The following PDZRN3 variants were observed in gnomAD, a reference collection of about 807,000 sequenced individuals.
PDZRN3 encodes the protein E3 ubiquitin-protein ligase PDZRN3.
PDZRN3 carries 38 observed loss-of-function variants against 85.7 expected under a neutral mutation model. The observed-to-expected ratio is 0.44, with a 90% CI of 0.34 to 0.58. The LOEUF (loss-of-function observed/expected upper bound fraction) is 0.58. Ranked by LOEUF, PDZRN3 falls within the 20% of genes least tolerant of loss-of-function variation. The pLI is 0.01. For missense variants in PDZRN3, 1,629 were observed against 1,506.4 expected, an observed-to-expected ratio of 1.08 and a Z score of -1.35; for synonymous variants, 759 against 638.0, an observed-to-expected ratio of 1.19 and a Z score of -2.86.
intron 3 of PDZRN3, among the ~76,000 whole-genome samples, chr3:73,415,026 T>C (rs940622671): frequency 3.3e-5 from 5 of 152,206 alleles, no homozygotes; most frequent in African/African-American, 1.2e-4. Context: ...ATTTGTTTAT[T>C]GGTCAAATAA....
chr3:73,575,027 TA>T (rs1181028637), intron 3 of PDZRN3, among the ~76,000 whole-genome samples: 1 of 152,134 alleles, frequency 6.6e-6, no homozygotes, highest in African/African-American at 2.4e-5. Context: ...TTTTTAAAAA[TA>T]AAAAAGTTAG....
At chr3:73,437,797 T>G (rs988128812) in intron 3 of PDZRN3, among the ~76,000 whole-genome samples, 8 of 152,198 alleles carry the variant, frequency 5.3e-5, no homozygotes, top group African/African-American at 1.9e-4. Context: ...TTCAAAATGT[T>G]GCTTTCCTAT....
intron 3 of PDZRN3, among the ~76,000 whole-genome samples, chr3:73,491,028 C>T (rs1039894548): frequency 6.6e-6 from 1 of 152,220 alleles, no homozygotes; most frequent in African/African-American, 2.4e-5. Flanking sequence ...GTCAGTTCAG[C>T]TCGCTCCAGG....
At chr3:73,562,996 TATATATATATATATA>T (rs1435616810) in intron 3 of PDZRN3, among the ~76,000 whole-genome samples, 2 of 30,424 alleles carry the variant, frequency 6.6e-5, no homozygotes, top group African/African-American at 2.8e-4. Flanking sequence ...TATATATATA[TATATATATATATATA>T]TATTTTTTTT....
At chr3:73,400,396 C>G (rs1251647910) in intron 5 of PDZRN3, among the ~76,000 whole-genome samples, 1 of 152,172 alleles carries the variant, frequency 6.6e-6, no homozygotes, top group Non-Finnish European at 1.5e-5. Context: ...AATCTTTATT[C>G]CTGTGTGGCC....
intron 3 of PDZRN3, among the ~76,000 whole-genome samples, chr3:73,440,090 G>A (rs1054771728): frequency 6.6e-6 from 1 of 152,040 alleles, no homozygotes; most frequent in African/African-American, 2.4e-5. Context: ...AATTGATTGA[G>A]GTGCCGCTGT....
chr3:73,421,324 G>A (rs1446406690), intron 3 of PDZRN3, among the ~76,000 whole-genome samples: 1 of 152,124 alleles, frequency 6.6e-6, no homozygotes, highest in Non-Finnish European at 1.5e-5. Flanking sequence ...GACTCTTCCG[G>A]GGTCACTCAA....
At chr3:73,621,058 T>C (rs1322676688) in intron 1 of PDZRN3, among the ~76,000 whole-genome samples, 2 of 152,198 alleles carry the variant, frequency 1.3e-5, no homozygotes, top group Admixed American at 6.5e-5. Flanking sequence ...TGGGAGCTCA[T>C]TGGAAATGCA....
rs1190378123 is a variant in PDZRN3, at chr3:73,384,092, G to C, written c.2474C>G (p.Ser825Cys). Residue 825 changes from serine to cysteine, a missense_variant, in exon 10 of 10, where the codon TCC becomes TGC. By Grantham distance (112) the Ser-to-Cys change is moderately radical. Coordinates refer to ENST00000263666, the MANE Select transcript of PDZRN3 (RefSeq NM_015009.3). ...CTGGTTGGGGTCCAGCTCCTTCAGG[G>C]ACGGGCTATAGGTAGGGGTGCCCAC... The part of the protein sequence containing the change: ...PEVGTPTYSP[S>C]LKELDPNQPL... The C allele has an allele frequency of 3.7e-6, 6 of 1,613,540 alleles. No homozygotes were observed. The highest frequency in any genetic ancestry group is 2.7e-5 in the African/African-American group (2 of 74,930).
intron 3 of PDZRN3, among the ~76,000 whole-genome samples, chr3:73,412,640 G>T (rs901168433): frequency 6.6e-6 from 1 of 152,188 alleles, no homozygotes. Flanking sequence ...CTTGTGAGCT[G>T]TGCTATCTTG....
chr3:73,550,281 G>A (rs1427648270), intron 3 of PDZRN3, among the ~76,000 whole-genome samples: 1 of 152,122 alleles, frequency 6.6e-6, no homozygotes, highest in African/African-American at 2.4e-5. Context: ...GAAATTCTGG[G>A]GTGTGGCCCA....
intron 3 of PDZRN3, among the ~76,000 whole-genome samples, chr3:73,493,898 A>G (rs981724979): frequency 7.2e-5 from 11 of 152,208 alleles, no homozygotes; most frequent in African/African-American, 2.7e-4. Flanking sequence ...GCTAGGGGCC[A>G]CTTTCACCAT....
At chr3:73,539,769 A>G (rs959884961) in intron 3 of PDZRN3, among the ~76,000 whole-genome samples, 2 of 152,152 alleles carry the variant, frequency 1.3e-5, no homozygotes, top group Middle Eastern at 3.2e-3. Flanking sequence ...ACACAGCAAT[A>G]GATAACTGAA....
chr3:73,434,552 A>C (rs543196942), intron 3 of PDZRN3, among the ~76,000 whole-genome samples: 3 of 152,312 alleles, frequency 2.0e-5, no homozygotes, highest in Non-Finnish European at 4.4e-5. Flanking sequence ...CCCCAAATGC[A>C]TTTTCAATTC....
rs543853334 is a variant in PDZRN3, at chr3:73,382,571, A to ATAAG, written c.*790_*793dup. 9 of 152,790 alleles carry ATAAG rather than the reference A, an allele frequency of 5.9e-5. No homozygotes were observed. The South Asian group carries it at 6.2e-4, about 11-fold the overall frequency. 9.5% of individuals were successfully genotyped at this position (152,790 alleles called of 1,614,324 possible). On this transcript the variant is annotated 3_prime_UTR_variant, in exon 10 of 10. Transcript: ENST00000263666. Reference sequence around the variant, plus strand: ...ATCATGATTTTGTGAACTTGCCTGTATAAGTCTGTACCTTCAAATCTACAA... The same window carrying ATAAG: ...ATCATGATTTTGTGAACTTGCCTGTATAAGTAAGTCTGTACCTTCAAATCTACAA...
intron 3 of PDZRN3, among the ~76,000 whole-genome samples, chr3:73,540,250 T>C (rs941521474): frequency 2.0e-5 from 3 of 152,066 alleles, no homozygotes; most frequent in South Asian, 4.1e-4. Flanking sequence ...CCTAAATATA[T>C]ATAGCTAAAA....
chr3:73,384,064 G>T lies in PDZRN3; in HGVS notation c.2502C>A (p.Pro834=). ...TGGCTCTCCGCTCTTTGCTTTCCAGGGGCTGGTTGGGGTCCAGCTCCTTCA... is the reference window on the plus strand; with the variant it reads ...TGGCTCTCCGCTCTTTGCTTTCCAGTGGCTGGTTGGGGTCCAGCTCCTTCA... ...PSLKELDPNQ[P]LESKERRASD... Residue 834 remains proline, a synonymous_variant, in exon 10 of 10, where the codon CCC becomes CCA. Transcript: ENST00000263666. 1.2e-6 allele frequency: 2 copies of T among 1,608,994 alleles called. No homozygotes were observed. Among genetic ancestry groups the T allele is most frequent in the South Asian group, 1.1e-5 (1 of 90,444 alleles).
chr3:73,432,460 A>G (rs1478557837), intron 3 of PDZRN3, among the ~76,000 whole-genome samples: 2 of 152,168 alleles, frequency 1.3e-5, no homozygotes, highest in African/African-American at 4.8e-5. Flanking sequence ...GGAGAGTAGC[A>G]AGCCTCAAAA....
intron 3 of PDZRN3, among the ~76,000 whole-genome samples, chr3:73,421,929 G>A (rs1349780226): frequency 2.0e-5 from 3 of 152,222 alleles, no homozygotes; most frequent in East Asian, 1.9e-4. Context: ...TTACAGGCGT[G>A]AGCCACCGTG....
Sources: allele counts gnomAD v4.1 joint callset (sites outside exome capture counted in the v4.1 genomes callset), GRCh38; gene constraint gnomAD v4.1.1; transcripts MANE v1.5; gene names NCBI Gene and HGNC (gene_info 2026-07-23, HGNC 2026-07-21).